The following NAA16 variants were observed in gnomAD, a reference collection of about 807,000 sequenced individuals.
The protein encoded by NAA16 is NARG1-like protein.
A neutral mutation model predicts 110.3 loss-of-function variants in NAA16; 97 were observed. That is an observed-to-expected ratio of 0.88 (90% CI 0.75 to 1.04). NAA16 has a LOEUF of 1.04. Among genes scored for constraint, NAA16 ranks in the 50% least tolerant of loss-of-function variants. The pLI is 0.00. For synonymous variants in NAA16, 372 were observed against 330.6 expected (o/e 1.13, Z -1.36); for missense variants, 1,017 against 1,005.1 (o/e 1.01, Z -0.16).
chr13:41,321,114 A>C (rs2041934187), intron 4 of NAA16, among the ~76,000 whole-genome samples: 1 of 152,216 alleles, frequency 6.6e-6, no homozygotes. Flanking sequence ...AGCCTGGGCA[A>C]CATAGGCCAG....
chr13:41,320,396 A>C (rs1260439100), intron 3 of NAA16, among the ~76,000 whole-genome samples: 2 of 152,204 alleles, frequency 1.3e-5, no homozygotes, highest in African/African-American at 4.8e-5. Context: ...AATATTACAG[A>C]AAATTTCAAA....
intron 8 of NAA16, 28 bp downstream of exon 8, chr13:41,331,397 T>G (rs369859503): frequency 4.3e-6 from 6 of 1,404,722 alleles, no homozygotes; most frequent in Non-Finnish European, 6.0e-6. Flanking sequence ...TTTATAATAT[T>G]AATTATTTGT....
chr13:41,366,471 AAAG>A (rs1205465940), intron 13 of NAA16, among the ~76,000 whole-genome samples: 6 of 152,200 alleles, frequency 3.9e-5, no homozygotes, highest in African/African-American at 1.4e-4. Context: ...ACGTATGAAA[AAAG>A]AAGTTGGAGA....
chr13:41,319,128 C>T (rs2041882352), intron 3 of NAA16, among the ~76,000 whole-genome samples: 2 of 152,004 alleles, frequency 1.3e-5, no homozygotes, highest in Admixed American at 1.3e-4. Flanking sequence ...TGTTCCCTAC[C>T]CCGTGTTTAT....
rs541915701 is a variant in NAA16 at position 41,358,101 on chromosome 13, A to C, written c.1088-203A>C. ...TGAGATTGGGGTTAGAAGCCTGTCA[A>C]AGTACAATCTTATTTCTCTACATGG... On this transcript the variant is annotated intron_variant, in intron 10 of 19. Transcript: ENST00000379406. Among the ~76,000 whole-genome samples the C allele has an allele frequency of 5.9e-4, 90 of 152,292 alleles. 1 individual carries two copies. The highest frequency in any genetic ancestry group is 4.0e-3 in the Admixed American group (61 of 15,298).
intron 1 of NAA16, among the ~76,000 whole-genome samples, chr13:41,315,231 G>C (rs773943263): frequency 1.1e-4 from 16 of 152,126 alleles, no homozygotes; most frequent in Non-Finnish European, 2.2e-4. Context: ...TCCATGGGAA[G>C]ATCTAGGAAA....
rs751639122 is a variant in NAA16 at position 41,362,045 on chromosome 13, C to T, written c.1425C>T (p.Ala475=). ...TTCCATTTCAGGAAGGAACATCTGCCATGGAAAATCTAAATGAAATGCAGT... is the reference window on the plus strand; with the variant it reads ...TTCCATTTCAGGAAGGAACATCTGCTATGGAAAATCTAAATGAAATGCAGT... ...CSKFTREGTS[A]MENLNEMQCM... is the part of the protein sequence containing the mutation. Residue 475 remains alanine, a synonymous_variant, in exon 13 of 20, where the codon GCC becomes GCT. Coordinates refer to ENST00000379406, the MANE Select transcript of NAA16 (RefSeq NM_024561.5). The T allele has an allele frequency of 1.1e-5, 17 of 1,609,960 alleles. 1 individual carries two copies. The South Asian group carries it at 1.8e-4, about 17-fold the overall frequency.
chr13:41,323,087 C>A lies in NAA16; in HGVS notation c.434C>A (p.Pro145His). ...ETRYQLLQLR[P>H]TQRASWIGYA... Reference sequence around the variant, plus strand: ...AGATACCAGCTTCTTCAGTTGCGCCCCACACAGCGTGCCTCCTGGATTGGA... The same window carrying A: ...AGATACCAGCTTCTTCAGTTGCGCCACACACAGCGTGCCTCCTGGATTGGA... The change falls in exon 5 of 20, where the codon CCC (proline) becomes CAC (histidine). Residue 145 changes from proline to histidine, a missense_variant. Coordinates refer to ENST00000379406, the MANE Select transcript of NAA16 (RefSeq NM_024561.5). 1 of 1,614,074 alleles carries A rather than the reference C, an allele frequency of 6.2e-7. No homozygotes were observed. Among genetic ancestry groups the A allele is most frequent in the Non-Finnish European group, 8.5e-7 (1 of 1,179,980 alleles).
intron 2 of NAA16, among the ~76,000 whole-genome samples, chr13:41,317,348 T>C (rs1209581102): frequency 6.6e-6 from 1 of 152,192 alleles, no homozygotes; most frequent in Non-Finnish European, 1.5e-5. Context: ...TGTTTTTTTT[T>C]AGTATGTGCT....
intron 12 of NAA16, among the ~76,000 whole-genome samples, 155 bp from the exon 13 acceptor site, chr13:41,361,874 CTA>C (rs1254126727): frequency 1.3e-5 from 2 of 152,136 alleles, no homozygotes; most frequent in Non-Finnish European, 2.9e-5. Context: ...TAAGGAGAGA[CTA>C]TTGTAGTATA....
At chr13:41,371,982 A>G (rs981012066) in intron 15 of NAA16, among the ~76,000 whole-genome samples, 31 of 152,142 alleles carry the variant, frequency 2.0e-4, no homozygotes, top group African/African-American at 7.2e-4. Context: ...TAATAAAATG[A>G]TCTTGATTTT....
intron 15 of NAA16, among the ~76,000 whole-genome samples, chr13:41,370,939 A>T (rs2043303831): frequency 6.6e-6 from 1 of 152,234 alleles, no homozygotes; most frequent in Non-Finnish European, 1.5e-5. Flanking sequence ...AAAAGCCTTG[A>T]AAGCCATCAA....
intron 1 of NAA16, among the ~76,000 whole-genome samples, chr13:41,315,400 G>A (rs546714758): frequency 2.8e-4 from 43 of 152,294 alleles, no homozygotes; most frequent in African/African-American, 9.6e-4. Flanking sequence ...AGGGAGAGAT[G>A]TTAATTGTGT....
At chr13:41,367,407 TA>T in intron 13 of NAA16, 31 bp from the exon 14 acceptor site, 1 of 1,465,562 alleles carries the variant, frequency 6.8e-7, no homozygotes. Context: ...GACATAAATG[TA>T]AAGGTTAATT....
At chr13:41,340,416 G>T (rs1044116891) in intron 9 of NAA16, among the ~76,000 whole-genome samples, 8 of 151,960 alleles carry the variant, frequency 5.3e-5, no homozygotes, top group Admixed American at 5.2e-4. Flanking sequence ...TTTTAATTGC[G>T]ATGTTAAGGT....
intron 8 of NAA16, 122 bp downstream of exon 8, chr13:41,331,491 G>GA: frequency 1.7e-6 from 1 of 598,108 alleles, no homozygotes; most frequent in Non-Finnish European, 2.9e-6. Context: ...AGTTGGGAGT[G>GA]AACAGTTATG....
At chr13:41,365,743 A>T (rs2043195772) in intron 13 of NAA16, among the ~76,000 whole-genome samples, 2 of 152,338 alleles carry the variant, frequency 1.3e-5, no homozygotes, top group East Asian at 3.9e-4. Flanking sequence ...AACTGGAGAG[A>T]GGCAGCCTAT....
chr13:41,331,500 T>G, intron 8 of NAA16, 131 bp downstream of exon 8: 1 of 542,114 alleles, frequency 1.8e-6, no homozygotes, highest in Non-Finnish European at 3.3e-6. Context: ...TGAACAGTTA[T>G]GAGTTTATAT....
chr13:41,322,354 C>T (rs900716839), intron 4 of NAA16, among the ~76,000 whole-genome samples: 3 of 151,972 alleles, frequency 2.0e-5, no homozygotes, highest in East Asian at 3.8e-4. Context: ...GAGTGAGATA[C>T]CTAAATTTAT....
Sources: gnomAD v4.1 joint callset for allele counts (sites outside exome capture counted in the v4.1 genomes callset) on GRCh38, gnomAD v4.1.1 for gene constraint, MANE v1.5 for transcripts, NCBI Gene and HGNC (gene_info 2026-07-23, HGNC 2026-07-21) for gene names.